Variants in KIAA1549L observed in about 807,000 individuals in gnomAD.
KIAA1549L encodes the protein UPF0606 protein KIAA1549L.
A neutral mutation model predicts 160.7 loss-of-function variants in KIAA1549L; 88 were observed. The observed-to-expected ratio is 0.55, with a 90% CI of 0.46 to 0.65. The LOEUF (loss-of-function observed/expected upper bound fraction) is 0.65, where lower values mean the gene tolerates loss of function less well. Among genes scored for constraint, KIAA1549L ranks in the 30% least tolerant of loss-of-function variants. The pLI, the probability that KIAA1549L is intolerant of heterozygous loss-of-function variation, is 0.00. For synonymous variants in KIAA1549L, 950 were observed against 976.7 expected, an observed-to-expected ratio of 0.97 and a Z score of 0.51; for missense variants, 2,258 against 2,437.5, an observed-to-expected ratio of 0.93 and a Z score of 1.55.
At chr11:33,406,442 C>T (rs953700657) in intron 1 of KIAA1549L, among the ~76,000 whole-genome samples, 1 of 152,238 alleles carries the variant, frequency 6.6e-6, no homozygotes, top group African/African-American at 2.4e-5. Flanking sequence ...TGACCCCGGG[C>T]TTTCCATTGG....
In KIAA1549L at chr11:33,452,476, C is replaced by T. The variant is rs1255320231; in HGVS notation, c.238+75587C>T. Reference sequence around the variant, plus strand: ...CAAAAAAATTAGCCAGGCGTAGTGGCGGGCAGCTGTAGTCCCAGCTACTCG... The same window carrying T: ...CAAAAAAATTAGCCAGGCGTAGTGGTGGGCAGCTGTAGTCCCAGCTACTCG... On this transcript the variant is annotated intron_variant, in intron 1 of 20. Coordinates refer to ENST00000658780, the MANE Select transcript of KIAA1549L (RefSeq NM_012194.3). 5.9e-5 allele frequency among the ~76,000 whole-genome samples: 9 copies of T among 152,162 alleles called. No individual in the cohort carries two copies. The East Asian group carries it at 1.4e-3, about 23-fold the overall frequency.
intron 8 of KIAA1549L, among the ~76,000 whole-genome samples, chr11:33,562,876 T>C (rs1316404581): frequency 6.6e-6 from 1 of 151,918 alleles, no homozygotes; most frequent in African/African-American, 2.4e-5. Flanking sequence ...AGATGGGGTT[T>C]CACCATGTTG....
intron 11 of KIAA1549L, among the ~76,000 whole-genome samples, chr11:33,586,307 GTGTGGCTT>G (rs1175453855): frequency 5.3e-5 from 8 of 152,210 alleles, no homozygotes; most frequent in Non-Finnish European, 1.0e-4. Context: ...GAGGAGGTGA[GTGTGGCTT>G]TCCCGGGAGC....
intron 1 of KIAA1549L, among the ~76,000 whole-genome samples, chr11:33,406,496 T>G (rs1340208627): frequency 6.6e-6 from 1 of 152,224 alleles, no homozygotes; most frequent in Non-Finnish European, 1.5e-5. Flanking sequence ...TCCTATCATC[T>G]CCTCTCTTAG....
chr11:33,378,459 C>T (rs1053876160), intron 1 of KIAA1549L, among the ~76,000 whole-genome samples: 2 of 152,184 alleles, frequency 1.3e-5, no homozygotes, highest in Non-Finnish European at 2.9e-5. Context: ...GAGGACTTCT[C>T]ATCCACATTG....
intron 1 of KIAA1549L, among the ~76,000 whole-genome samples, chr11:33,456,437 G>A (rs1175516522): frequency 2.0e-5 from 3 of 152,154 alleles, no homozygotes; most frequent in East Asian, 3.9e-4. Flanking sequence ...GTGAGACAGG[G>A]TCTCACTCTA....
chr11:33,527,098 A>G (rs577862239), intron 1 of KIAA1549L, among the ~76,000 whole-genome samples: 69 of 152,358 alleles, frequency 4.5e-4, no homozygotes, highest in Admixed American at 1.3e-3. Context: ...ACCTAATCCA[A>G]CAAAGACAAA....
chr11:33,655,509 C>A (rs185924250), intron 17 of KIAA1549L, among the ~76,000 whole-genome samples: 1 of 152,324 alleles, frequency 6.6e-6, no homozygotes, highest in East Asian at 1.9e-4. Context: ...TTATTGATAA[C>A]CTGTTATATA....
chr11:33,551,965 A>G, intron 5 of KIAA1549L, 143 bp from the exon 6 acceptor site: 4 of 911,000 alleles, frequency 4.4e-6, no homozygotes, highest in South Asian at 4.3e-5. Context: ...TCAAAACTAC[A>G]AGCAAACCTT....
intron 1 of KIAA1549L, among the ~76,000 whole-genome samples, chr11:33,504,951 GA>G (rs775962714): frequency 5.0e-4 from 76 of 152,136 alleles, no homozygotes; most frequent in Middle Eastern, 3.4e-3. Context: ...ATTTTTTGTA[GA>G]GACAGGGTTT....
chr11:33,637,652 C>G (rs961240643), intron 16 of KIAA1549L, among the ~76,000 whole-genome samples: 2 of 152,182 alleles, frequency 1.3e-5, no homozygotes, highest in African/African-American at 4.8e-5. Context: ...CTTCTGAGGG[C>G]CATGAGGGAA....
Position 33,672,751 on chromosome 11 carries a change from A to G in KIAA1549L, c.*4597A>G, listed in dbSNP as rs1852703332. On this transcript the variant is annotated 3_prime_UTR_variant, in exon 21 of 21. Transcript: ENST00000658780. ...TGCCCCAGCCACTTCTCACCCCACC[A>G]CCAGTTATTGATACAGCCGCTGGGT... 3.3e-5 allele frequency: 5 copies of G among 153,728 alleles called. No homozygotes were observed. In the Admixed American group the frequency reaches 3.3e-4, roughly 10 times the overall value. 9.5% of individuals were successfully genotyped at this position (153,728 alleles called of 1,614,324 possible).
At chr11:33,399,340 G>T (rs1383802545) in intron 1 of KIAA1549L, among the ~76,000 whole-genome samples, 2 of 152,118 alleles carry the variant, frequency 1.3e-5, no homozygotes, top group South Asian at 2.1e-4. Flanking sequence ...AATTTTGCTG[G>T]TTTATTGCCA....
intron 1 of KIAA1549L, among the ~76,000 whole-genome samples, chr11:33,460,163 C>G (rs888920877): frequency 6.6e-6 from 1 of 152,160 alleles, no homozygotes; most frequent in African/African-American, 2.4e-5. Context: ...CCACCTGTAT[C>G]TCTCAAACAC....
At chr11:33,657,683 G>C (rs1268254954) in intron 18 of KIAA1549L, among the ~76,000 whole-genome samples, 1 of 152,162 alleles carries the variant, frequency 6.6e-6, no homozygotes, top group Non-Finnish European at 1.5e-5. Flanking sequence ...TATAATCCCG[G>C]CTACTTGGGA....
intron 1 of KIAA1549L, among the ~76,000 whole-genome samples, chr11:33,379,154 G>A (rs1443294575): frequency 6.6e-6 from 1 of 152,164 alleles, no homozygotes; most frequent in African/African-American, 2.4e-5. Context: ...GTTGTTTAAG[G>A]AAGGCTAAGC....
At chr11:33,447,954 T>C (rs887154496) in intron 1 of KIAA1549L, among the ~76,000 whole-genome samples, 1 of 151,644 alleles carries the variant, frequency 6.6e-6, no homozygotes, top group Non-Finnish European at 1.5e-5. Flanking sequence ...AGCAAAGGAG[T>C]GGAGACAGAG....
intron 9 of KIAA1549L, among the ~76,000 whole-genome samples, chr11:33,571,251 G>C (rs7936080): frequency 0.092 from 14,055 of 152,216 alleles, 2,188 homozygotes; most frequent in African/African-American, 0.32. Flanking sequence ...CCCCTGCACT[G>C]CAGCCTGGTG....
At chr11:33,647,977 G>A (rs1293699959) in intron 17 of KIAA1549L, among the ~76,000 whole-genome samples, 7 of 151,172 alleles carry the variant, frequency 4.6e-5, no homozygotes, top group Non-Finnish European at 8.8e-5. Flanking sequence ...CATCAAACCA[G>A]AACTAACCTT....
Sources: gnomAD v4.1 joint callset for allele counts (sites outside exome capture counted in the v4.1 genomes callset) on GRCh38, gnomAD v4.1.1 for gene constraint, MANE v1.5 for transcripts, NCBI Gene and HGNC (gene_info 2026-07-23, HGNC 2026-07-21) for gene names.